Variants in UHRF2 observed in about 807,000 individuals in gnomAD.
The protein encoded by UHRF2 is ubiquitin like with PHD and ring finger domains 2, also known as E3 ubiquitin-protein ligase UHRF2.
UHRF2 carries 23 observed loss-of-function variants against 96.8 expected under a neutral mutation model. The ratio of observed to expected loss-of-function variants is 0.24; its 90% CI spans 0.17 to 0.34. The LOEUF (loss-of-function observed/expected upper bound fraction) is 0.34. UHRF2 is among the 10% of genes least tolerant of loss of function. The probability of loss-of-function intolerance (pLI) is 1.00; values close to 1 mark genes in which losing one functional copy is unlikely to be tolerated. For synonymous variants in UHRF2, 385 were observed against 332.6 expected (o/e 1.16, Z -1.72); for missense variants, 685 against 981.5 (o/e 0.70, Z 4.04).
intron 3 of UHRF2, among the ~76,000 whole-genome samples, chr9:6,449,981 A>C (rs1821754252): frequency 6.6e-6 from 1 of 151,978 alleles, no homozygotes. Flanking sequence ...TTTGCTTTTC[A>C]TTGTTGTTTG....
chr9:6,451,180 T>C (rs920512059), intron 3 of UHRF2, among the ~76,000 whole-genome samples: 1 of 151,862 alleles, frequency 6.6e-6, no homozygotes, highest in Non-Finnish European at 1.5e-5. Context: ...AAAAGTTACG[T>C]GTTTTTTTTG....
intron 3 of UHRF2, among the ~76,000 whole-genome samples, chr9:6,447,926 CT>C (rs1821615105): frequency 6.6e-6 from 1 of 152,078 alleles, no homozygotes. Flanking sequence ...TGGAATAGAA[CT>C]AAAAACAAGA....
At chr9:6,430,776 G>C (rs1255383864) in intron 2 of UHRF2, among the ~76,000 whole-genome samples, 2 of 152,096 alleles carry the variant, frequency 1.3e-5, no homozygotes, top group Admixed American at 6.6e-5. Context: ...TAAAGGCTCT[G>C]GGCCCTAATT....
intron 4 of UHRF2, among the ~76,000 whole-genome samples, chr9:6,469,722 G>A (rs1823115815): frequency 3.0e-5 from 3 of 98,458 alleles, no homozygotes; most frequent in African/African-American, 6.6e-5. Context: ...ACACATATAT[G>A]TGCATATATA....
At chr9:6,504,430 A>G (rs1254601231) in intron 14 of UHRF2, 163 bp from the exon 15 acceptor site, 2 of 520,460 alleles carry the variant, frequency 3.8e-6, no homozygotes, top group Non-Finnish European at 6.8e-6. Flanking sequence ...TATAACATAT[A>G]ATAAATCAGG....
chr9:6,482,228 G>C, intron 8 of UHRF2, 129 bp downstream of exon 8: 1 of 776,854 alleles, frequency 1.3e-6, no homozygotes, highest in African/African-American at 1.7e-5. Flanking sequence ...ATATTTTTTA[G>C]GATGGGTGTA....
intron 4 of UHRF2, among the ~76,000 whole-genome samples, chr9:6,466,982 T>C (rs1822899958): frequency 1.3e-5 from 2 of 152,320 alleles, no homozygotes; most frequent in Admixed American, 6.5e-5. Context: ...TCTGAATTCT[T>C]TATTTTATTT....
chr9:6,431,643 C>T (rs978014481), intron 2 of UHRF2, among the ~76,000 whole-genome samples: 1 of 152,116 alleles, frequency 6.6e-6, no homozygotes, highest in African/African-American at 2.4e-5. Context: ...GAATGCCCTA[C>T]CTTTGTGAGC....
chr9:6,468,544 T>C (rs1330397982), intron 4 of UHRF2: 1 of 455,994 alleles, frequency 2.2e-6, no homozygotes, highest in African/African-American at 2.0e-5. Context: ...CTGCTAATTC[T>C]GGATGCAGTG....
intron 1 of UHRF2, among the ~76,000 whole-genome samples, chr9:6,418,259 CT>C (rs200084021): frequency 0.25 from 31,057 of 124,804 alleles, 4,788 homozygotes; most frequent in African/African-American, 0.46. Context: ...GAGGATGTTC[CT>C]TTTTTTTTTT....
At chr9:6,414,935 G>A (rs1377040387) in intron 1 of UHRF2, among the ~76,000 whole-genome samples, 1 of 152,120 alleles carries the variant, frequency 6.6e-6, no homozygotes, top group Non-Finnish European at 1.5e-5. Context: ...TGTAAGCTTT[G>A]CTTTTGAAAT....
intron 4 of UHRF2, among the ~76,000 whole-genome samples, chr9:6,462,039 G>C (rs568078529): frequency 1.3e-5 from 2 of 151,810 alleles, no homozygotes; most frequent in South Asian, 4.2e-4. Context: ...GAATATTTGT[G>C]TCAAGTTCTG....
chr9:6,416,665 G>A (rs933466232), intron 1 of UHRF2, among the ~76,000 whole-genome samples: 2 of 146,868 alleles, frequency 1.4e-5, no homozygotes, highest in Non-Finnish European at 3.0e-5. Context: ...TCAGCCTCCC[G>A]AGTAGCTGGG....
chr9:6,500,516 T>G (rs781309644), intron 13 of UHRF2, 36 bp from the exon 14 acceptor site: 1 of 1,587,590 alleles, frequency 6.3e-7, no homozygotes, highest in East Asian at 2.2e-5. Context: ...TAGAACCACT[T>G]GTAAGTCTGC....
chr9:6,490,810 A>G (rs1163274374), intron 9 of UHRF2, among the ~76,000 whole-genome samples: 2 of 152,342 alleles, frequency 1.3e-5, no homozygotes, highest in East Asian at 3.9e-4. Context: ...AAGATGACAT[A>G]TAGGCCTTGA....
chr9:6,436,002 T>C (rs915635544), intron 3 of UHRF2, among the ~76,000 whole-genome samples: 6 of 152,206 alleles, frequency 3.9e-5, no homozygotes, highest in Non-Finnish European at 8.8e-5. Context: ...TTTATCCATT[T>C]AAAAAATTGT....
intron 2 of UHRF2, among the ~76,000 whole-genome samples, chr9:6,428,507 A>G (rs886842435): frequency 1.7e-5 from 2 of 115,564 alleles, no homozygotes; most frequent in African/African-American, 3.3e-5. Flanking sequence ...TCTGAACTTT[A>G]TGTAAATGGA....
rs1246816569 is a variant in UHRF2 at position 6,433,985 on chromosome 9, T to G, written c.456T>G (p.Thr152=). 6.2e-7 allele frequency: 1 copy of G among 1,614,136 alleles called. No individual in the cohort carries two copies. The change falls in exon 3 of 16, where the codon ACT becomes ACG. Residue 152 remains threonine, a synonymous_variant. Coordinates refer to ENST00000276893, the MANE Select transcript of UHRF2 (RefSeq NM_152896.3). ...AWFEAHIHSV[T]RASDGQSRGK... Reference sequence around the variant, plus strand: ...TTGAAGCACACATACATAGTGTTACTAGAGCTTCTGATGGACAGTCACGTG... The same window carrying G: ...TTGAAGCACACATACATAGTGTTACGAGAGCTTCTGATGGACAGTCACGTG...
At chr9:6,418,151 T>TAAAA in intron 1 of UHRF2, among the ~76,000 whole-genome samples, 1 of 152,288 alleles carries the variant, frequency 6.6e-6, no homozygotes, top group African/African-American at 2.4e-5. Context: ...TGGGTTTTTT[T>TAAAA]GTGGGGGTGT....
Sources: gnomAD v4.1 joint callset for allele counts (sites outside exome capture counted in the v4.1 genomes callset) on GRCh38, gnomAD v4.1.1 for gene constraint, MANE v1.5 for transcripts, NCBI Gene and HGNC (gene_info 2026-07-23, HGNC 2026-07-21) for gene names.